The following EBF3 variants were observed in gnomAD, a reference collection of about 807,000 sequenced individuals.
EBF3 encodes the protein transcription factor COE3.
EBF3 carries 18 observed loss-of-function variants against 77.1 expected under a neutral mutation model. The observed-to-expected ratio is 0.23, with a 90% confidence interval of 0.16 to 0.35. EBF3 has a LOEUF of 0.35. EBF3 is among the 10% of genes least tolerant of loss of function. The probability of loss-of-function intolerance (pLI) is 1.00; values close to 1 mark genes in which losing one functional copy is unlikely to be tolerated. For synonymous variants in EBF3, 350 were observed against 343.5 expected (o/e 1.02, Z -0.21); for missense variants, 558 against 860.0 (o/e 0.65, Z 4.39).
At position 129,943,431 on chromosome 10, in the gene EBF3, G is replaced by A. The variant is rs744680; in HGVS notation, c.554+13827C>T. ...TGGATAATTTCATTTTAAAAGTATC[G>A]CTAAAATTTGATGTCCCTTGGGATT... On this transcript the variant is annotated intron_variant, in intron 6 of 16. Coordinates refer to ENST00000440978, the MANE Select transcript of EBF3 (RefSeq NM_001375380.1). The surrounding 1 kb of genome is among the most constrained non-coding windows in gnomAD (Gnocchi z 8.8). Among the ~76,000 whole-genome samples the A allele has an allele frequency of 0.16, 24,278 of 152,110 alleles. 2,368 individuals are homozygous for A. Among genetic ancestry groups the A allele is most frequent in the South Asian group, 0.42 (2,027 of 4,818 alleles).
intron 6 of EBF3, among the ~76,000 whole-genome samples, chr10:129,889,140 T>C (rs998565524): frequency 9.9e-5 from 15 of 152,208 alleles, no homozygotes; most frequent in Admixed American, 1.3e-4. Context: ...GCAAAGGACA[T>C]GGTGGTCCCC....
At chr10:129,894,099 T>C (rs796974944) in intron 6 of EBF3, among the ~76,000 whole-genome samples, 2 of 152,204 alleles carry the variant, frequency 1.3e-5, no homozygotes, top group South Asian at 4.1e-4. Flanking sequence ...TTCCTGTTCT[T>C]ATTTTCTAAT....
intron 6 of EBF3, among the ~76,000 whole-genome samples, chr10:129,949,841 G>A (rs1338142304): frequency 6.6e-6 from 1 of 152,048 alleles, no homozygotes; most frequent in Non-Finnish European, 1.5e-5. Context: ...AATGGTCAGG[G>A]TTGGTCTTTC....
chr10:129,835,242 A>G lies in EBF3; in HGVS notation c.*2701T>C, dbSNP rs1464409959. 2.6e-5 allele frequency: 4 copies of G among 152,662 alleles called. No individual in the cohort carries two copies. The highest frequency in any genetic ancestry group is 4.1e-4 in the South Asian group (2 of 4,824). 9.5% of individuals were successfully genotyped at this position (152,662 alleles called of 1,614,324 possible). A position where few individuals can be genotyped will look rare whatever the true frequency, so the allele number is the denominator to read the frequency against. ...TGATGTAACTTTTATGTTAGTGTTT[A>G]GTCATTTTAATAATCAAAAACAGAG... On this transcript the variant is annotated 3_prime_UTR_variant, in exon 17 of 17. Transcript: ENST00000440978.
At chr10:129,936,350 G>T (rs1462167684) in intron 6 of EBF3, among the ~76,000 whole-genome samples, 1 of 152,178 alleles carries the variant, frequency 6.6e-6, no homozygotes, top group Non-Finnish European at 1.5e-5. Flanking sequence ...GGGCAGGAAG[G>T]CCAGTGCATC....
chr10:129,882,228 T>A (rs1853258903), intron 6 of EBF3, among the ~76,000 whole-genome samples: 1 of 152,280 alleles, frequency 6.6e-6, no homozygotes, highest in Non-Finnish European at 1.5e-5. Context: ...TCCTGTGTAA[T>A]ATCCATTACA....
At chr10:129,908,777 C>G (rs1457365037) in intron 6 of EBF3, among the ~76,000 whole-genome samples, 1 of 152,230 alleles carries the variant, frequency 6.6e-6, no homozygotes, top group African/African-American at 2.4e-5. Context: ...TTTCCGCCTC[C>G]TTTCCACTGT....
chr10:129,854,887 C>T (rs996060843), intron 10 of EBF3, among the ~76,000 whole-genome samples: 4 of 152,248 alleles, frequency 2.6e-5, no homozygotes, highest in Non-Finnish European at 5.9e-5. Context: ...ACCAGGGGCG[C>T]TGCCCGCGGG....
At chr10:129,884,688 T>C (rs550831331) in intron 6 of EBF3, among the ~76,000 whole-genome samples, 1 of 152,282 alleles carries the variant, frequency 6.6e-6, no homozygotes, top group South Asian at 2.1e-4. Context: ...GAGGTCTGGA[T>C]GGCTGGACTC....
intron 10 of EBF3, among the ~76,000 whole-genome samples, chr10:129,849,862 G>A (rs1232111985): frequency 6.6e-6 from 1 of 152,200 alleles, no homozygotes; most frequent in East Asian, 1.9e-4. Context: ...CTCGGCGTAT[G>A]TGACATGGCA....
intron 6 of EBF3, among the ~76,000 whole-genome samples, chr10:129,920,490 G>A (rs1244722289): frequency 6.6e-6 from 1 of 152,212 alleles, no homozygotes; most frequent in Non-Finnish European, 1.5e-5. Context: ...GAGCGACTCT[G>A]GGTTAATGGG....
intron 5 of EBF3, 113 bp downstream of exon 5, chr10:129,958,821 C>A (rs1265473821): frequency 1.2e-5 from 16 of 1,368,264 alleles, no homozygotes; most frequent in Admixed American, 3.4e-5. Flanking sequence ...ACATTTCAAT[C>A]GATGCCCTTC....
At chr10:129,896,225 G>A (rs748711091) in intron 6 of EBF3, among the ~76,000 whole-genome samples, 6 of 152,166 alleles carry the variant, frequency 3.9e-5, no homozygotes, top group Non-Finnish European at 7.3e-5. Context: ...CATGTGTATC[G>A]TCCAACTCTG....
rs146162891 is a variant in EBF3, at chr10:129,895,335, G to A, written c.555-17486C>T. ...CAGCCAGGCTCCAGAGGGAGTGGACGGGGAAGGAGGCCCTGCGACAAGGCT... is the reference window on the plus strand; with the variant it reads ...CAGCCAGGCTCCAGAGGGAGTGGACAGGGAAGGAGGCCCTGCGACAAGGCT... On this transcript the variant is annotated intron_variant, in intron 6 of 16. Coordinates refer to ENST00000440978, the MANE Select transcript of EBF3 (RefSeq NM_001375380.1). Among the ~76,000 whole-genome samples, 324 of 152,326 alleles carry A rather than the reference G, an allele frequency of 2.1e-3. 3 individuals carry two copies. The highest frequency in any genetic ancestry group is 6.8e-3 in the Middle Eastern group (2 of 294).
rs1850132278 is a variant in EBF3, at chr10:129,842,354, T to G, written c.1195-61A>C. 6.6e-7 allele frequency: 1 copy of G among 1,512,304 alleles called. No homozygotes were observed. The highest frequency in any genetic ancestry group is 8.8e-7 in the Non-Finnish European group (1 of 1,132,914). The allele number at this position is 1,512,304 out of a possible 1,614,324, so 93.7% of individuals were successfully genotyped here. Reference sequence around the variant, plus strand: ...CCAGGCCCGGCCCAGCTGGCCGCACTCTCGGGGGCCCACCATGGTGGCATC... The same window carrying G: ...CCAGGCCCGGCCCAGCTGGCCGCACGCTCGGGGGCCCACCATGGTGGCATC... On this transcript the variant is annotated intron_variant, in intron 12 of 16. Transcript: ENST00000440978. This position sits in a 1 kb window ranked among gnomAD's most constrained non-coding sequence, Gnocchi z 4.4.
At chr10:129,949,363 G>A (rs1230106739) in intron 6 of EBF3, among the ~76,000 whole-genome samples, 2 of 152,204 alleles carry the variant, frequency 1.3e-5, no homozygotes, top group Non-Finnish European at 2.9e-5. Context: ...CACTCAGGGA[G>A]GAGCCCCTCC....
intron 10 of EBF3, among the ~76,000 whole-genome samples, chr10:129,865,482 T>C (rs537610438): frequency 6.6e-6 from 1 of 152,278 alleles, no homozygotes; most frequent in African/African-American, 2.4e-5. Flanking sequence ...CCTGTGGTCT[T>C]CTGGCAGCTC....
At chr10:129,953,684 C>T (rs545739210) in intron 6 of EBF3, among the ~76,000 whole-genome samples, 1 of 152,330 alleles carries the variant, frequency 6.6e-6, no homozygotes, top group South Asian at 2.1e-4. Flanking sequence ...GCAGCCACAG[C>T]CCCTGCTCCC....
At chr10:129,928,436 C>T (rs1856810661) in intron 6 of EBF3, among the ~76,000 whole-genome samples, 2 of 152,266 alleles carry the variant, frequency 1.3e-5, no homozygotes, top group South Asian at 2.1e-4. Flanking sequence ...GTGGTAAGAA[C>T]GTTTCCATTG....
Sources: gnomAD v4.1 joint callset for allele counts (sites outside exome capture counted in the v4.1 genomes callset) on GRCh38, gnomAD v4.1.1 for gene constraint, Gnocchi (gnomAD v3.1) non-coding constraint, MANE v1.5 for transcripts, NCBI Gene and HGNC (gene_info 2026-07-23, HGNC 2026-07-21) for gene names.